The following NCAM2 variants were observed in gnomAD, a reference collection of about 807,000 sequenced individuals.
The protein encoded by NCAM2 is neural cell adhesion molecule 2.
In NCAM2, 30 loss-of-function variants were observed where a neutral mutation model predicts 98.1. That is an observed-to-expected ratio of 0.31 (90% CI 0.23 to 0.41). The LOEUF is 0.41. Ranked by LOEUF, NCAM2 falls within the 10% of genes least tolerant of loss-of-function variation. The pLI, the probability that NCAM2 is intolerant of heterozygous loss-of-function variation, is 1.00. For synonymous variants in NCAM2, 368 were observed against 342.4 expected (o/e 1.07, Z -0.83); for missense variants, 867 against 1,005.8 (o/e 0.86, Z 1.87).
intron 1 of NCAM2, among the ~76,000 whole-genome samples, chr21:21,003,404 T>G (rs1245013070): frequency 6.6e-6 from 1 of 152,154 alleles, no homozygotes; most frequent in Non-Finnish European, 1.5e-5. Context: ...TCATTGGATT[T>G]GGAGTCAGAA....
intron 16 of NCAM2, among the ~76,000 whole-genome samples, chr21:21,531,734 A>T (rs73328825): frequency 0.15 from 22,345 of 151,486 alleles, 1,736 homozygotes; most frequent in East Asian, 0.23. Context: ...ATCAATAATG[A>T]TTCTGGTATT....
chr21:21,371,715 C>T (rs2075918844), intron 8 of NCAM2, among the ~76,000 whole-genome samples: 1 of 151,828 alleles, frequency 6.6e-6, no homozygotes, highest in South Asian at 2.1e-4. Flanking sequence ...GTTTGCCTAC[C>T]TGGTGCTTTT....
intron 9 of NCAM2, among the ~76,000 whole-genome samples, chr21:21,380,213 A>C (rs1378117112): frequency 6.6e-6 from 1 of 152,154 alleles, no homozygotes; most frequent in African/African-American, 2.4e-5. Context: ...TAACCATCAC[A>C]GTATTGTTTA....
At chr21:21,264,959 G>GTATATATACACACATATATTATATA (rs1568854799) in intron 1 of NCAM2, among the ~76,000 whole-genome samples, 1 of 91,630 alleles carries the variant, frequency 1.1e-5, no homozygotes, top group Non-Finnish European at 2.1e-5. Context: ...ATATGTGTAT[G>GTATATATACACACATATATTATATA]TGTATATATA....
intron 1 of NCAM2, among the ~76,000 whole-genome samples, chr21:21,134,503 C>T (rs1436984032): frequency 1.3e-5 from 2 of 152,076 alleles, no homozygotes; most frequent in Non-Finnish European, 2.9e-5. Flanking sequence ...CCTAATGGTC[C>T]ATTAAACTCT....
At chr21:21,290,101 T>C (rs1601878321) in intron 4 of NCAM2, 1 of 151,930 alleles carries the variant, frequency 6.6e-6, no homozygotes, top group South Asian at 2.1e-4. Flanking sequence ...ACTAGTTCCA[T>C]GTAAAGGCAT....
At chr21:21,181,042 AC>A in intron 1 of NCAM2, among the ~76,000 whole-genome samples, 1 of 152,240 alleles carries the variant, frequency 6.6e-6, no homozygotes, top group African/African-American at 2.4e-5. Context: ...GTTGCTGAAA[AC>A]AAGCTATATT....
chr21:21,147,101 T>C (rs1351836198), intron 1 of NCAM2: 22 of 965,318 alleles, frequency 2.3e-5, no homozygotes, highest in Non-Finnish European at 2.7e-5. Context: ...ACTCCGGAAC[T>C]CATACCCTTT....
chr21:21,171,442 A>C (rs527383100), intron 1 of NCAM2, among the ~76,000 whole-genome samples: 1 of 152,266 alleles, frequency 6.6e-6, no homozygotes, highest in South Asian at 2.1e-4. Flanking sequence ...TATTGAGAAA[A>C]CTGTGAGGTA....
intron 1 of NCAM2, among the ~76,000 whole-genome samples, chr21:21,266,389 A>C (rs903324886): frequency 9.9e-5 from 15 of 152,230 alleles, no homozygotes; most frequent in Admixed American, 7.2e-4. Context: ...TCTCAGCAAA[A>C]ATTGCATTCT....
At position 21,364,758 on chromosome 21, in the gene NCAM2, T is replaced by C. The variant is rs150074128; in HGVS notation, c.1045-9105T>C. On this transcript the variant is annotated intron_variant, in intron 8 of 17. Coordinates refer to ENST00000400546, the MANE Select transcript of NCAM2 (RefSeq NM_004540.5). ...ATACTTTGAATAAGGATGTGTTCTATAACATAAGAAATCTCATATTGGTGA... is the reference window on the plus strand; with the variant it reads ...ATACTTTGAATAAGGATGTGTTCTACAACATAAGAAATCTCATATTGGTGA... Among the ~76,000 whole-genome samples the C allele has an allele frequency of 3.4e-4, 52 of 152,262 alleles. No individual in the cohort carries two copies. In the East Asian group the frequency reaches 8.9e-3, roughly 26 times the overall value.
intron 1 of NCAM2, among the ~76,000 whole-genome samples, chr21:21,000,723 T>G (rs1024985316): frequency 6.6e-6 from 1 of 152,162 alleles, no homozygotes; most frequent in Non-Finnish European, 1.5e-5. Context: ...CAGAGAGACG[T>G]AGCTTTTGTG....
intron 1 of NCAM2, among the ~76,000 whole-genome samples, chr21:21,134,966 G>A (rs1213194326): frequency 1.3e-5 from 2 of 151,810 alleles, no homozygotes; most frequent in Non-Finnish European, 2.9e-5. Context: ...TGGGCGCGGC[G>A]GCTCACGCCT....
At chr21:21,507,426 C>T (rs757723794) in intron 15 of NCAM2, among the ~76,000 whole-genome samples, 13 of 152,118 alleles carry the variant, frequency 8.5e-5, no homozygotes, top group African/African-American at 1.2e-4. Flanking sequence ...GTATCTGTCA[C>T]TTGTGTTTCA....
intron 1 of NCAM2, among the ~76,000 whole-genome samples, chr21:21,167,574 C>A (rs967128867): frequency 2.0e-5 from 3 of 152,036 alleles, no homozygotes; most frequent in African/African-American, 4.8e-5. Context: ...AAACTTCGTT[C>A]CATTCAGGGT....
chr21:21,228,899 T>C (rs542166176), intron 1 of NCAM2, among the ~76,000 whole-genome samples: 2 of 151,648 alleles, frequency 1.3e-5, no homozygotes, highest in South Asian at 4.1e-4. Flanking sequence ...ACATTTTTAT[T>C]TTGTATTTTT....
At chr21:21,257,542 G>A (rs2071720502) in intron 1 of NCAM2, among the ~76,000 whole-genome samples, 1 of 152,140 alleles carries the variant, frequency 6.6e-6, no homozygotes, top group African/African-American at 2.4e-5. Flanking sequence ...CATCAAGAAT[G>A]TGGAAACTAT....
intron 8 of NCAM2, among the ~76,000 whole-genome samples, chr21:21,368,932 A>G (rs1365656873): frequency 6.6e-6 from 1 of 151,886 alleles, no homozygotes; most frequent in Non-Finnish European, 1.5e-5. Flanking sequence ...TAAAACACCC[A>G]ATAACCTTCA....
intron 9 of NCAM2, among the ~76,000 whole-genome samples, chr21:21,397,638 G>T (rs544423104): frequency 7.1e-4 from 108 of 152,326 alleles, no homozygotes; most frequent in African/African-American, 2.5e-3. Flanking sequence ...GCCTTTGGGG[G>T]AAGGGGGAGT....
Sources: allele counts gnomAD v4.1 joint callset (sites outside exome capture counted in the v4.1 genomes callset), GRCh38; gene constraint gnomAD v4.1.1; transcripts MANE v1.5; gene names NCBI Gene and HGNC (gene_info 2026-07-23, HGNC 2026-07-21).